Variants in TMEM184B observed in about 807,000 individuals in gnomAD.
TMEM184B encodes transmembrane protein 184B.
In TMEM184B, 17 loss-of-function variants were observed where a neutral mutation model predicts 41.8. The observed-to-expected ratio is 0.41, with a 90% CI of 0.28 to 0.61. The LOEUF is 0.61. Ranked by LOEUF, TMEM184B falls within the 20% of genes least tolerant of loss-of-function variation. The pLI is 0.34. For missense variants in TMEM184B, 393 were observed against 557.8 expected (o/e 0.70, Z 2.98); for synonymous variants, 240 against 229.5 (o/e 1.05, Z -0.41).
chr22:38,222,373 T>G (rs2091285213), intron 8 of TMEM184B: 1 of 158,772 alleles, frequency 6.3e-6, no homozygotes, highest in Non-Finnish European at 1.4e-5. Context: ...TTGTGAACTC[T>G]TGGAAACATC....
At chr22:38,256,272 G>T (rs2092277672) in intron 1 of TMEM184B, among the ~76,000 whole-genome samples, 1 of 151,832 alleles carries the variant, frequency 6.6e-6, no homozygotes, top group Non-Finnish European at 1.5e-5. Context: ...GAGTGCAGTG[G>T]TGTGATCTTC....
chr22:38,243,046 C>T (rs1602427630), intron 3 of TMEM184B, among the ~76,000 whole-genome samples: 1 of 93,454 alleles, frequency 1.1e-5, no homozygotes, highest in African/African-American at 5.6e-5. Flanking sequence ...TGGCAACGGT[C>T]TCAAAAAAAA....
intron 3 of TMEM184B, among the ~76,000 whole-genome samples, chr22:38,237,426 CGATGACCCTGG>C (rs2091802981): frequency 6.6e-6 from 1 of 152,234 alleles, no homozygotes; most frequent in Admixed American, 6.5e-5. Context: ...TGCGGGACCC[CGATGACCCTGG>C]GCACACTGGG....
intron 3 of TMEM184B, chr22:38,231,774 G>A (rs768271712): frequency 9.9e-5 from 35 of 352,648 alleles, no homozygotes; most frequent in Middle Eastern, 1.0e-3. Context: ...GCAGGAGGAC[G>A]TCTTGAGTCT....
chr22:38,242,073 TGA>T (rs944354852), intron 3 of TMEM184B, among the ~76,000 whole-genome samples: 9 of 151,394 alleles, frequency 5.9e-5, no homozygotes, highest in Non-Finnish European at 2.9e-5. Context: ...AACTTCAGAG[TGA>T]GGAGTTAGGG....
Position 38,250,140 on chromosome 22 carries a change from C to T in TMEM184B, c.-58-2121G>A, listed in dbSNP as rs2092130066. 1.3e-5 allele frequency among the ~76,000 whole-genome samples: 2 copies of T among 151,916 alleles called. 1 individual carries two copies. The highest frequency in any genetic ancestry group is 4.1e-4 in the South Asian group (2 of 4,836). On this transcript the variant is annotated intron_variant, in intron 1 of 8. Coordinates refer to ENST00000361906, the MANE Select transcript of TMEM184B (RefSeq NM_012264.5). Reference sequence around the variant, plus strand: ...AAGCTGGTATTCAAGTCAGAATATCCTGACACCAACGGAGGTTTCCCTGGG... The same window carrying T: ...AAGCTGGTATTCAAGTCAGAATATCTTGACACCAACGGAGGTTTCCCTGGG...
rs749913966 is a variant in TMEM184B at position 38,247,918 on chromosome 22, G to C, written c.44C>G (p.Pro15Arg). Residue 15 changes from proline to arginine, a missense_variant, in exon 2 of 9, where the codon CCC becomes CGC. Pro to Arg is a moderately radical substitution (Grantham distance 103). Transcript: ENST00000361906. ...GCTGGGCGAGGCTGCTGCGGTCGTGGGCGACGCTGGATCCGGGGCCAGCAC... is the reference window on the plus strand; with the variant it reads ...GCTGGGCGAGGCTGCTGCGGTCGTGCGCGACGCTGGATCCGGGGCCAGCAC... ...GDVLAPDPAS[P>R]TTAAASPSVS... The C allele has an allele frequency of 1.2e-6, 2 of 1,601,422 alleles. No individual in the cohort carries two copies. The highest frequency in any genetic ancestry group is 1.7e-6 in the Non-Finnish European group (2 of 1,176,752).
intron 3 of TMEM184B, chr22:38,231,635 C>G (rs2091626137): frequency 3.8e-6 from 2 of 529,378 alleles, no homozygotes; most frequent in Non-Finnish European, 6.9e-6. Context: ...CCAGAGGAGG[C>G]TGAGGTAAGG....
Position 38,226,631 on chromosome 22 carries a change from T to C in TMEM184B, c.617+148A>G. ...GGCCAACTGCAAGGGTGTCCACTGC[T>C]GGGCTCAGACTTCAGGGGGGTTGTG... On this transcript the variant is annotated intron_variant, in intron 6 of 8. Coordinates refer to ENST00000361906, the MANE Select transcript of TMEM184B (RefSeq NM_012264.5). This position sits in a 1 kb window ranked among gnomAD's most constrained non-coding sequence, Gnocchi z 4.6. The C allele has an allele frequency of 1.3e-6, 1 of 759,548 alleles. No individual in the cohort carries two copies. The highest frequency in any genetic ancestry group is 1.7e-5 in the South Asian group (1 of 58,626). The allele number at this position is 759,548 out of a possible 1,614,324, so 47.1% of individuals were successfully genotyped here.
chr22:38,224,248 C>G lies in TMEM184B; in HGVS notation c.982+537G>C, dbSNP rs371110856. Reference sequence around the variant, plus strand: ...TCCTGCCTCAGCCTCCCGAGTAGCTCGGACTACAAGCACCCGCCACCACGC... The same window carrying G: ...TCCTGCCTCAGCCTCCCGAGTAGCTGGGACTACAAGCACCCGCCACCACGC... On this transcript the variant is annotated intron_variant, in intron 8 of 8. Coordinates refer to ENST00000361906, the MANE Select transcript of TMEM184B (RefSeq NM_012264.5). 4.0e-3 allele frequency: 615 copies of G among 152,208 alleles called. 3 individuals are homozygous for G. The highest frequency in any genetic ancestry group is 0.014 in the Middle Eastern group (4 of 296). 9.4% of individuals were successfully genotyped at this position (152,208 alleles called of 1,614,324 possible).
At chr22:38,235,393 C>T (rs1345568119) in intron 3 of TMEM184B, among the ~76,000 whole-genome samples, 2 of 152,230 alleles carry the variant, frequency 1.3e-5, no homozygotes, top group Admixed American at 6.5e-5. Flanking sequence ...GGGCTCGTGT[C>T]CTTTCCTGCA....
chr22:38,261,544 G>A (rs542838983), intron 1 of TMEM184B, among the ~76,000 whole-genome samples: 6 of 152,280 alleles, frequency 3.9e-5, no homozygotes, highest in South Asian at 2.1e-4. Context: ...GTCCCTCAGC[G>A]AGGGCTTACT....
chr22:38,250,001 G>A (rs551346110), intron 1 of TMEM184B, among the ~76,000 whole-genome samples: 2 of 152,368 alleles, frequency 1.3e-5, no homozygotes, highest in East Asian at 3.9e-4. Flanking sequence ...AACCAGCCAC[G>A]TGGGTTCCCT....
In TMEM184B at chr22:38,225,651, C is replaced by A; in HGVS notation, c.618-58G>T. On this transcript the variant is annotated intron_variant, in intron 6 of 8. Transcript: ENST00000361906. The surrounding 1 kb of genome is among the most constrained non-coding windows in gnomAD (Gnocchi z 4.4). ...AGACCCTTGGAGGGAAGGGGCTCTCCTCGACTGCACCACACACAGTCCCCA... is the reference window on the plus strand; with the variant it reads ...AGACCCTTGGAGGGAAGGGGCTCTCATCGACTGCACCACACACAGTCCCCA... 6.6e-7 allele frequency: 1 copy of A among 1,526,592 alleles called. No individual in the cohort carries two copies. Among genetic ancestry groups the A allele is most frequent in the East Asian group, 2.5e-5 (1 of 39,728 alleles). The allele number at this position is 1,526,592 out of a possible 1,614,324, so 94.6% of individuals were successfully genotyped here.
At position 38,221,329 on chromosome 22, in the gene TMEM184B, CAT is replaced by C. The variant is rs2091253138; in HGVS notation, c.*138_*139del. On this transcript the variant is annotated 3_prime_UTR_variant, in exon 9 of 9. Coordinates refer to ENST00000361906, the MANE Select transcript of TMEM184B (RefSeq NM_012264.5). ...CTGTCCCCCGTTCCTCTGGAAGTGA[CAT>C]GTGAGTGTTTCTGGTCCAATAAATA... is the stretch of plus-strand genomic sequence containing the variant. 4 of 1,445,888 alleles carry C rather than the reference CAT, an allele frequency of 2.8e-6. No individual in the cohort carries two copies. Among genetic ancestry groups the C allele is most frequent in the African/African-American group, 1.5e-5 (1 of 68,576 alleles). The allele number at this position is 1,445,888 out of a possible 1,614,324, so 89.6% of individuals were successfully genotyped here.
At chr22:38,243,410 C>G (rs370317607) in intron 3 of TMEM184B, among the ~76,000 whole-genome samples, 1 of 152,126 alleles carries the variant, frequency 6.6e-6, no homozygotes, top group Non-Finnish European at 1.5e-5. Flanking sequence ...ACTTGTCCCC[C>G]GACCACACAG....
chr22:38,225,339 C>G lies in TMEM184B; in HGVS notation c.787+85G>C, dbSNP rs1426922983. 1 of 1,466,840 alleles carries G rather than the reference C, an allele frequency of 6.8e-7. No homozygotes were observed. The highest frequency in any genetic ancestry group is 9.1e-7 in the Non-Finnish European group (1 of 1,099,562). The allele number at this position is 1,466,840 out of a possible 1,614,324, so 90.9% of individuals were successfully genotyped here. A position where few individuals can be genotyped will look rare whatever the true frequency, so the allele number is the denominator to read the frequency against. ...CCCCTCTGAACAGGCCCTACAGGCACCAGGGACCATAAGCAGAAGGGGCAG... is the reference window on the plus strand; with the variant it reads ...CCCCTCTGAACAGGCCCTACAGGCAGCAGGGACCATAAGCAGAAGGGGCAG... On this transcript the variant is annotated intron_variant, in intron 7 of 8. Transcript: ENST00000361906. The surrounding 1 kb of genome is among the most constrained non-coding windows in gnomAD (Gnocchi z 4.4).
In TMEM184B at chr22:38,220,505, C is replaced by G; in HGVS notation, c.*964G>C. 2 of 986,002 alleles carry G rather than the reference C, an allele frequency of 2.0e-6. No homozygotes were observed. Among genetic ancestry groups the G allele is most frequent in the South Asian group, 4.7e-5 (1 of 21,288 alleles). 61.1% of individuals were successfully genotyped at this position (986,002 alleles called of 1,614,324 possible). ...CCAGCTCCCCACTGTGTGGCCACCC[C>G]TCCCGGTCTCCCTGCCGGACTGCCT... On this transcript the variant is annotated 3_prime_UTR_variant, in exon 9 of 9. Transcript: ENST00000361906.
intron 1 of TMEM184B, among the ~76,000 whole-genome samples, chr22:38,265,248 T>C (rs1269232256): frequency 1.3e-5 from 2 of 152,166 alleles, no homozygotes; most frequent in Admixed American, 1.3e-4. Context: ...ACCTCCACTG[T>C]CCACTGAGCC....
Sources: allele counts gnomAD v4.1 joint callset (sites outside exome capture counted in the v4.1 genomes callset), GRCh38; gene constraint gnomAD v4.1.1; non-coding constraint Gnocchi (gnomAD v3.1); transcripts MANE v1.5; gene names NCBI Gene and HGNC (gene_info 2026-07-23, HGNC 2026-07-21).